The following POTEI variants were observed in gnomAD, a reference collection of about 807,000 sequenced individuals.
POTEI encodes POTE ankyrin domain family, member I.
In POTEI, 14 loss-of-function variants were observed where a neutral mutation model predicts 43.4. The ratio of observed to expected loss-of-function variants is 0.32; its 90% CI spans 0.21 to 0.50. POTEI has a LOEUF of 0.50. Among genes scored for constraint, POTEI ranks in the 20% least tolerant of loss-of-function variants. The pLI is 0.98. For missense variants in POTEI, 235 were observed against 795.4 expected (o/e 0.30, Z 8.47); for synonymous variants, 95 against 297.9 (o/e 0.32, Z 7.01).
intron 14 of POTEI, among the ~76,000 whole-genome samples, chr2:130,465,021 G>A (rs1171141227): frequency 9.0e-5 from 12 of 133,824 alleles, no homozygotes; most frequent in African/African-American, 1.3e-4. Flanking sequence ...TTGCCATTGC[G>A]GTAACTTTTA....
At chr2:130,484,616 C>T (rs1378251235) in intron 9 of POTEI, among the ~76,000 whole-genome samples, 2 of 88,480 alleles carry the variant, frequency 2.3e-5, no homozygotes, top group Non-Finnish European at 3.2e-5. Flanking sequence ...GGGGTAGATA[C>T]GGGATGGCAA....
chr2:130,494,923 C>T (rs1447766590), intron 6 of POTEI, among the ~76,000 whole-genome samples: 8 of 102,954 alleles, frequency 7.8e-5, no homozygotes, highest in African/African-American at 2.3e-4. Flanking sequence ...TCGTTCCCAA[C>T]CTCTGGTATC....
At chr2:130,485,091 A>G (rs1428827234) in intron 9 of POTEI, among the ~76,000 whole-genome samples, 1 of 151,946 alleles carries the variant, frequency 6.6e-6, no homozygotes, top group Non-Finnish European at 1.5e-5. Context: ...CGTGTGTGAT[A>G]CCCAATAACT....
intron 6 of POTEI, among the ~76,000 whole-genome samples, chr2:130,494,931 A>G (rs1229862226): frequency 9.6e-6 from 1 of 103,922 alleles, no homozygotes; most frequent in Non-Finnish European, 2.2e-5. Context: ...AACCTCTGGT[A>G]TCTCACACTT....
chr2:130,496,673 A>G (rs1252213503), intron 5 of POTEI, 51 bp from the exon 6 acceptor site: 3 of 1,528,826 alleles, frequency 2.0e-6, no homozygotes, highest in Admixed American at 2.0e-5. Flanking sequence ...ACTGATATAA[A>G]AAAACTTACC....
intron 10 of POTEI, among the ~76,000 whole-genome samples, chr2:130,479,173 C>T (rs1232976093): frequency 6.9e-6 from 1 of 145,200 alleles, no homozygotes; most frequent in Non-Finnish European, 1.5e-5. Flanking sequence ...CTCTCTTCTG[C>T]CTCTGTTTTA....
intron 10 of POTEI, among the ~76,000 whole-genome samples, chr2:130,477,291 T>A (rs1167913864): frequency 1.4e-5 from 2 of 146,668 alleles, no homozygotes; most frequent in African/African-American, 5.1e-5. Context: ...GTAACTGTGA[T>A]TACAGGCAAG....
rs756800503 is a variant in POTEI at position 130,508,956 on chromosome 2, G to A, written c.280C>T (p.Leu94Phe). The part of the protein sequence containing the change: ...GDHDDSAMKT[L>F]RSKMGKWCCH... ...CACCACTTGCCCATCTTGCTCCTGA[G>A]CGTCTTCATAGCGGAGTCGTCGTGG... The change falls in exon 1 of 15, where the codon CTC (leucine) becomes TTC (phenylalanine). Residue 94 changes from leucine to phenylalanine, a missense_variant. By Grantham distance (22) the Leu-to-Phe change is conservative (BLOSUM62 0). Coordinates refer to ENST00000451531, the MANE Select transcript of POTEI (RefSeq NM_001277406.2). 1.9e-6 allele frequency: 3 copies of A among 1,592,200 alleles called. No individual in the cohort carries two copies. Among genetic ancestry groups the A allele is most frequent in the Non-Finnish European group, 2.6e-6 (3 of 1,171,150 alleles).
In POTEI at chr2:130,508,951, C is replaced by A. The variant is rs776958745; in HGVS notation, c.285G>T (p.Arg95Ser). Residue 95 changes from arginine (R) to serine (S), a missense_variant, in exon 1 of 15, where the codon AGG becomes AGT. Coordinates refer to ENST00000451531, the MANE Select transcript of POTEI (RefSeq NM_001277406.2). ...GGCAGCACCACTTGCCCATCTTGCTCCTGAGCGTCTTCATAGCGGAGTCGT... is the reference window on the plus strand; with the variant it reads ...GGCAGCACCACTTGCCCATCTTGCTACTGAGCGTCTTCATAGCGGAGTCGT... ...DHDDSAMKTL[R>S]SKMGKWCCHC... 6.3e-7 allele frequency: 1 copy of A among 1,590,774 alleles called. No individual in the cohort carries two copies. The highest frequency in any genetic ancestry group is 2.4e-5 in the East Asian group (1 of 41,600).
In POTEI at chr2:130,463,617, G is replaced by A. The variant is rs202114250; in HGVS notation, c.2427C>T (p.Pro809=). 1.5e-4 allele frequency: 237 copies of A among 1,606,220 alleles called. 1 individual carries two copies. Among genetic ancestry groups the A allele is most frequent in the Non-Finnish European group, 2.0e-4 (231 of 1,179,206 alleles). The change falls in exon 15 of 15, where the codon CCC becomes CCT. Residue 809 remains proline, a synonymous_variant. Coordinates refer to ENST00000451531, the MANE Select transcript of POTEI (RefSeq NM_001277406.2). ...EEHPILLTEA[P]LNPKANREKM... ...TCTCGCGGTTGGCCTTGGGGTTCAGGGGGGCCTCGGTCAGCAGGATGGGGT... is the reference window on the plus strand; with the variant it reads ...TCTCGCGGTTGGCCTTGGGGTTCAGAGGGGCCTCGGTCAGCAGGATGGGGT...
At chr2:130,496,671 A>G (rs1291737325) in intron 5 of POTEI, 49 bp from the exon 6 acceptor site, 2 of 1,516,932 alleles carry the variant, frequency 1.3e-6, no homozygotes, top group Admixed American at 2.1e-5. Context: ...ATACTGATAT[A>G]AAAAAACTTA....
At chr2:130,496,801 C>T (rs2918634) in intron 5 of POTEI, among the ~76,000 whole-genome samples, 179 bp from the exon 6 acceptor site, 3,038 of 130,642 alleles carry the variant, frequency 0.023, 69 homozygotes, top group Non-Finnish European at 0.035. Flanking sequence ...TAATTAAAGA[C>T]GAAAAAAATG....
chr2:130,467,867 A>AT, intron 13 of POTEI, among the ~76,000 whole-genome samples: 1 of 139,664 alleles, frequency 7.2e-6, no homozygotes, highest in African/African-American at 2.6e-5. Context: ...AAAACATGCT[A>AT]AATATCTCTA....
chr2:130,504,985 T>G (rs7572234), intron 1 of POTEI, among the ~76,000 whole-genome samples: 94,816 of 114,270 alleles, frequency 0.83, 38,368 homozygotes, highest in East Asian at 0.99. Context: ...GCACCAAGGG[T>G]GTTGGTTGTA....
intron 14 of POTEI, among the ~76,000 whole-genome samples, chr2:130,464,497 T>C (rs1300883605): frequency 5.2e-5 from 7 of 135,104 alleles, no homozygotes; most frequent in Non-Finnish European, 1.1e-4. Flanking sequence ...AGGCATAAAA[T>C]ATAAGATTAA....
In POTEI at chr2:130,470,545, C is replaced by T. The variant is rs1351993164; in HGVS notation, c.1778+3833G>A. Among the ~76,000 whole-genome samples, 8 of 7,580 alleles carry T rather than the reference C, an allele frequency of 1.1e-3. 1 individual carries two copies. The highest frequency in any genetic ancestry group is 1.1e-3 in the African/African-American group (8 of 7,040). 5.0% of individuals were successfully genotyped at this position (7,580 alleles called of 152,430 possible). On this transcript the variant is annotated intron_variant, in intron 13 of 14. Coordinates refer to ENST00000451531, the MANE Select transcript of POTEI (RefSeq NM_001277406.2). ...GTTTGAAGTTAGAGATGATAAATCA[C>T]TTTGTTTCATTGAAACTTCCCTCAA...
chr2:130,474,969 GA>G lies in POTEI; in HGVS notation c.1552-19del, dbSNP rs1683145303. On this transcript the variant is annotated intron_variant, in intron 11 of 14. Coordinates refer to ENST00000451531, the MANE Select transcript of POTEI (RefSeq NM_001277406.2). Reference sequence around the variant, plus strand: ...GATCTTTTCTGCAGATGTAAAAACAGAAGGTTAATTTGCTTGTTGTATTTCT... The same window carrying G: ...GATCTTTTCTGCAGATGTAAAAACAGAGGTTAATTTGCTTGTTGTATTTCT... The G allele has an allele frequency of 3.3e-6, 1 of 307,068 alleles. No homozygotes were observed. Among genetic ancestry groups the G allele is most frequent in the African/African-American group, 2.8e-5 (1 of 36,324 alleles). The allele number at this position is 307,068 out of a possible 1,614,324, so 19.0% of individuals were successfully genotyped here. A position where few individuals can be genotyped will look rare whatever the true frequency, so the allele number is the denominator to read the frequency against.
intron 5 of POTEI, among the ~76,000 whole-genome samples, chr2:130,498,065 TG>T (rs1683962194): frequency 7.9e-6 from 1 of 127,050 alleles, no homozygotes; most frequent in African/African-American, 2.9e-5. Flanking sequence ...CAACCACAGC[TG>T]GGAGCCACTG....
chr2:130,484,822 CTA>C (rs1400255203), intron 9 of POTEI, among the ~76,000 whole-genome samples: 1 of 150,208 alleles, frequency 6.7e-6, no homozygotes, highest in African/African-American at 2.4e-5. Flanking sequence ...AATTCCCAGT[CTA>C]TGACACTCAT....
Sources: gnomAD v4.1 joint callset for allele counts (sites outside exome capture counted in the v4.1 genomes callset) on GRCh38, gnomAD v4.1.1 for gene constraint, MANE v1.5 for transcripts, NCBI Gene and HGNC (gene_info 2026-07-23, HGNC 2026-07-21) for gene names.